Variants in IL1RAPL1 observed in about 807,000 individuals in gnomAD.
IL1RAPL1 encodes the protein interleukin-1 receptor accessory protein-like 1.
A neutral mutation model predicts 48.4 loss-of-function variants in IL1RAPL1; 3 were observed. The observed-to-expected ratio is 0.06, with a 90% CI of 0.03 to 0.16. The LOEUF (loss-of-function observed/expected upper bound fraction) is 0.16. Ranked by LOEUF, IL1RAPL1 falls within the 10% of genes least tolerant of loss-of-function variation. IL1RAPL1 has a pLI of 1.00. For synonymous variants in IL1RAPL1, 185 were observed against 187.7 expected (o/e 0.99, Z 0.12); for missense variants, 349 against 530.6 (o/e 0.66, Z 3.36).
chrX:29,333,808 C>G (rs1214436494), intron 3 of IL1RAPL1, among the ~76,000 whole-genome samples: 3 of 83,093 alleles, frequency 3.6e-5, no homozygotes, highest in Non-Finnish European at 7.4e-5. Flanking sequence ...ACCCCCCCCC[C>G]CGCCTCCCTC....
intron 3 of IL1RAPL1, among the ~76,000 whole-genome samples, chrX:29,382,493 A>C (rs1237834993): frequency 9.0e-6 from 1 of 111,398 alleles, no homozygotes; most frequent in African/African-American, 3.3e-5. Flanking sequence ...GCCAGGGATC[A>C]GTGTTTTTCA....
At chrX:29,498,906 A>G (rs144922541) in intron 5 of IL1RAPL1, among the ~76,000 whole-genome samples, 112 of 112,273 alleles carry the variant, frequency 1.0e-3, no homozygotes, top group African/African-American at 3.4e-3. Context: ...GATGTAAAAA[A>G]TAAACCTTAT....
intron 1 of IL1RAPL1, among the ~76,000 whole-genome samples, chrX:28,677,083 ATTAC>A (rs1935005983): frequency 1.8e-5 from 2 of 112,092 alleles, no homozygotes; most frequent in South Asian, 7.4e-4. Context: ...TATAAATTAT[ATTAC>A]TTATACAAGT....
intron 2 of IL1RAPL1, among the ~76,000 whole-genome samples, chrX:29,105,133 A>C (rs1440544825): frequency 9.0e-6 from 1 of 111,690 alleles, no homozygotes; most frequent in Non-Finnish European, 1.9e-5. Context: ...TTAGTTTTCT[A>C]TTCTCTATAT....
In IL1RAPL1 at chrX:29,802,769, ATATATATATATATG is replaced by A. The variant is rs1372526429; in HGVS notation, c.779-114693_779-114680del. Reference sequence around the variant, plus strand: ...AAATTATATATATATATATATATATATATATATATATATGTGTGTGTGTATATATATATATATAT... The same window carrying A: ...AAATTATATATATATATATATATATATGTGTGTGTATATATATATATATAT... On this transcript the variant is annotated intron_variant, in intron 6 of 10. Transcript: ENST00000378993. 1.6e-3 allele frequency among the ~76,000 whole-genome samples: 43 copies of A among 27,642 alleles called. No individual in the cohort carries two copies. The East Asian group carries it at 0.059, about 38-fold the overall frequency. The allele number at this position is 27,642 out of a possible 115,157, so 24.0% of individuals were successfully genotyped here.
At chrX:28,871,096 G>A (rs1006457414) in intron 2 of IL1RAPL1, among the ~76,000 whole-genome samples, 2 of 111,815 alleles carry the variant, frequency 1.8e-5, no homozygotes, top group Non-Finnish European at 3.8e-5. Context: ...GTTTTAGTCG[G>A]AGTTTATCCT....
At chrX:28,863,783 G>C (rs1922010542) in intron 2 of IL1RAPL1, among the ~76,000 whole-genome samples, 2 of 110,847 alleles carry the variant, frequency 1.8e-5, no homozygotes, top group Admixed American at 1.9e-4. Flanking sequence ...CATATATAAG[G>C]GTTTTCTCTA....
chrX:28,664,246 A>G (rs1487066779), intron 1 of IL1RAPL1, among the ~76,000 whole-genome samples: 1 of 112,377 alleles, frequency 8.9e-6, no homozygotes, highest in Non-Finnish European at 1.9e-5. Context: ...CGAAAATTCA[A>G]TTGTGATTTG....
At chrX:28,817,480 A>G (rs1224158737) in intron 2 of IL1RAPL1, among the ~76,000 whole-genome samples, 3 of 111,089 alleles carry the variant, frequency 2.7e-5, no homozygotes, top group South Asian at 3.7e-4. Context: ...ATGAAACACC[A>G]CTAATAGGAG....
chrX:29,636,235 G>T (rs1427474395), intron 5 of IL1RAPL1, among the ~76,000 whole-genome samples: 1 of 111,715 alleles, frequency 9.0e-6, no homozygotes, highest in Non-Finnish European at 1.9e-5. Context: ...TGCAAAAAAT[G>T]GTCAAAGTTA....
chrX:28,782,585 G>A (rs183021819), intron 1 of IL1RAPL1, among the ~76,000 whole-genome samples: 199 of 111,305 alleles, frequency 1.8e-3, no homozygotes, highest in Non-Finnish European at 3.4e-3. Flanking sequence ...AAAGCACTTC[G>A]TCAGTTTAAA....
intron 5 of IL1RAPL1, among the ~76,000 whole-genome samples, chrX:29,414,127 T>G (rs1418442751): frequency 9.0e-6 from 1 of 111,054 alleles, no homozygotes; most frequent in Non-Finnish European, 1.9e-5. Flanking sequence ...TCATATGAGG[T>G]ACCTAGAATA....
chrX:29,225,907 A>G (rs1317499173), intron 2 of IL1RAPL1, among the ~76,000 whole-genome samples: 2 of 111,623 alleles, frequency 1.8e-5, no homozygotes, highest in Non-Finnish European at 3.8e-5. Context: ...TAATCGCTCT[A>G]CAAAAAAGGA....
At chrX:29,541,354 C>G (rs1158011917) in intron 5 of IL1RAPL1, among the ~76,000 whole-genome samples, 4 of 111,603 alleles carry the variant, frequency 3.6e-5, no homozygotes, top group African/African-American at 1.3e-4. Flanking sequence ...AGTTCAACCA[C>G]TGGGCAAAGT....
rs1330323775 is a variant in IL1RAPL1 at position 28,629,482 on chromosome X, T to A, written c.-25+41435T>A. On this transcript the variant is annotated intron_variant, in intron 1 of 10. Coordinates refer to ENST00000378993, the MANE Select transcript of IL1RAPL1 (RefSeq NM_014271.4). ...ACATGATCTATTAAAGAGATGGACA[T>A]GGAAAGTATCACAGCAAAATATGCT... 2.7e-5 allele frequency among the ~76,000 whole-genome samples: 3 copies of A among 111,927 alleles called. No homozygotes were observed. In the East Asian group the frequency reaches 8.4e-4, roughly 31 times the overall value.
chrX:28,726,275 A>G (rs754797608), intron 1 of IL1RAPL1, among the ~76,000 whole-genome samples: 3 of 112,279 alleles, frequency 2.7e-5, no homozygotes, highest in Non-Finnish European at 5.6e-5. Context: ...TTCTTCACAT[A>G]TTGATATTAT....
At chrX:29,913,411 T>C (rs373468886) in intron 6 of IL1RAPL1, among the ~76,000 whole-genome samples, 32 of 70,847 alleles carry the variant, frequency 4.5e-4, no homozygotes, top group South Asian at 9.4e-4. Context: ...CACACATATA[T>C]ACACATATAT....
chrX:29,196,910 G>T (rs539535250), intron 2 of IL1RAPL1, among the ~76,000 whole-genome samples: 1 of 110,038 alleles, frequency 9.1e-6, no homozygotes, highest in South Asian at 3.9e-4. Context: ...ATTGCATCCT[G>T]CCTTACCTTC....
At chrX:29,687,841 A>G (rs1002272621) in intron 6 of IL1RAPL1, among the ~76,000 whole-genome samples, 4 of 111,988 alleles carry the variant, frequency 3.6e-5, no homozygotes, top group African/African-American at 1.3e-4. Context: ...CTTAGTCATT[A>G]TCATGATCTC....
Sources: allele counts gnomAD v4.1 joint callset (sites outside exome capture counted in the v4.1 genomes callset), GRCh38; gene constraint gnomAD v4.1.1; transcripts MANE v1.5; gene names NCBI Gene and HGNC (gene_info 2026-07-23, HGNC 2026-07-21).